Variants in KMT2C observed in about 807,000 individuals in gnomAD.
The protein encoded by KMT2C is lysine methyltransferase 2C, also known as histone-lysine N-methyltransferase 2C.
KMT2C carries 88 observed loss-of-function variants against 507.9 expected under a neutral mutation model. The ratio of observed to expected loss-of-function variants is 0.17; its 90% CI spans 0.15 to 0.21. The LOEUF is 0.21. KMT2C is among the 10% of genes least tolerant of loss of function. The pLI is 1.00. For missense variants in KMT2C, 4,954 were observed against 5,957.8 expected (o/e 0.83, Z 5.55); for synonymous variants, 2,049 against 2,080.8 (o/e 0.98, Z 0.42).
chr7:152,358,530 G>A (rs1213902956), intron 2 of KMT2C, 57 bp downstream of exon 2: 1 of 1,100,828 alleles, frequency 9.1e-7, no homozygotes, highest in Non-Finnish European at 1.4e-6. Flanking sequence ...TACATGCAGT[G>A]TACAAACATA....
intron 1 of KMT2C, among the ~76,000 whole-genome samples, chr7:152,423,621 G>GTAGAGGGAC (rs2097792403): frequency 6.6e-6 from 1 of 152,190 alleles, no homozygotes; most frequent in South Asian, 2.1e-4. Flanking sequence ...ACTTTGCAGT[G>GTAGAGGGAC]TAGAGGGACA....
intron 53 of KMT2C, among the ~76,000 whole-genome samples, chr7:152,145,531 A>C (rs1372809402): frequency 6.6e-6 from 1 of 152,244 alleles, no homozygotes; most frequent in East Asian, 1.9e-4. Context: ...ATGCTCCTTG[A>C]AGAAAAAGAT....
chr7:152,224,714 G>A (rs2094875494), intron 18 of KMT2C, 98 bp from the exon 19 acceptor site: 9 of 860,062 alleles, frequency 1.0e-5, no homozygotes, highest in Non-Finnish European at 1.4e-5. Flanking sequence ...CCTAGAAGCA[G>A]AAAAGAGGCA....
At chr7:152,184,802 T>C (rs1422025909) in intron 34 of KMT2C, among the ~76,000 whole-genome samples, 1 of 152,134 alleles carries the variant, frequency 6.6e-6, no homozygotes, top group Non-Finnish European at 1.5e-5. Flanking sequence ...CCTAGCAGGG[T>C]GGTCTTGCTC....
intron 38 of KMT2C, 38 bp from the exon 39 acceptor site, chr7:152,174,280 T>C: frequency 9.5e-7 from 1 of 1,055,892 alleles, no homozygotes; most frequent in Non-Finnish European, 1.5e-6. Flanking sequence ...TTCATAGTAA[T>C]TAGTTCAACG....
At chr7:152,210,594 C>T (rs1286001304) in intron 23 of KMT2C, among the ~76,000 whole-genome samples, 1 of 151,470 alleles carries the variant, frequency 6.6e-6, no homozygotes, top group Non-Finnish European at 1.5e-5. Context: ...TTATGTGTGG[C>T]CCAAGACAAT....
chr7:152,435,821 C>T lies in KMT2C; in HGVS notation c.-35G>A, dbSNP rs1291971384. 3.0e-6 allele frequency: 4 copies of T among 1,339,490 alleles called. No individual in the cohort carries two copies. Among genetic ancestry groups the T allele is most frequent in the African/African-American group, 1.6e-5 (1 of 64,222 alleles). 83.0% of individuals were successfully genotyped at this position (1,339,490 alleles called of 1,614,324 possible). A position where few individuals can be genotyped will look rare whatever the true frequency, so the allele number is the denominator to read the frequency against. Reference sequence around the variant, plus strand: ...CAGGAAAGACACATGGATCCCGGTCCTCCTCCTGGGGGGCTCCCGCCGCCG... The same window carrying T: ...CAGGAAAGACACATGGATCCCGGTCTTCCTCCTGGGGGGCTCCCGCCGCCG... On this transcript the variant is annotated 5_prime_UTR_variant, in exon 1 of 59. Transcript: ENST00000262189.
At chr7:152,378,670 A>G (rs2097347489) in intron 1 of KMT2C, among the ~76,000 whole-genome samples, 2 of 152,170 alleles carry the variant, frequency 1.3e-5, no homozygotes, top group Admixed American at 1.3e-4. Context: ...TACCAATTCT[A>G]GATATATATC....
At chr7:152,172,515 G>A (rs774729062) in intron 39 of KMT2C, among the ~76,000 whole-genome samples, 2 of 152,230 alleles carry the variant, frequency 1.3e-5, no homozygotes, top group African/African-American at 4.8e-5. Flanking sequence ...GACCAACATG[G>A]TGAAACCCTG....
intron 53 of KMT2C, among the ~76,000 whole-genome samples, chr7:152,145,718 A>G (rs10236914): frequency 0.011 from 1,712 of 152,336 alleles, 36 homozygotes; most frequent in African/African-American, 0.039. Flanking sequence ...AAAAACAGTT[A>G]AAAAATCATC....
Position 152,176,754 on chromosome 7 carries a change from A to G in KMT2C, c.8699T>C (p.Leu2900Pro), listed in dbSNP as rs2093228680. 3 of 1,614,056 alleles carry G rather than the reference A, an allele frequency of 1.9e-6. No individual in the cohort carries two copies. The African/African-American group carries it at 4.0e-5, about 22-fold the overall frequency. Reference sequence around the variant, plus strand: ...AGAGTTTATTACATCTTGAGCAGGTAGTTGAGTGGATGCCTGAATGACATT... The same window carrying G: ...AGAGTTTATTACATCTTGAGCAGGTGGTTGAGTGGATGCCTGAATGACATT... ...SANVIQASTQ[L>P]PAQDVINSCG... Residue 2900 changes from leucine to proline, a missense_variant, in exon 38 of 59, where the codon CTA (leucine) becomes CCA (proline). Around this residue, in one of 29 missense-constraint regions of KMT2C, gnomAD observed 1,689 missense variants for 1,654.3 expected, o/e 1.02. Coordinates refer to ENST00000262189, the MANE Select transcript of KMT2C (RefSeq NM_170606.3).
At chr7:152,200,816 A>G (rs2094113982) in intron 26 of KMT2C, among the ~76,000 whole-genome samples, 1 of 152,230 alleles carries the variant, frequency 6.6e-6, no homozygotes, top group South Asian at 2.1e-4. Context: ...ATGCCAAATT[A>G]TTAACAATAC....
At chr7:152,277,562 C>T (rs1215888050) in intron 6 of KMT2C, among the ~76,000 whole-genome samples, 1 of 152,100 alleles carries the variant, frequency 6.6e-6, no homozygotes, top group Non-Finnish European at 1.5e-5. Flanking sequence ...TTTCTATATC[C>T]TTACAAAAAT....
chr7:152,144,977 G>A lies in KMT2C; in HGVS notation c.14175-96C>T. On this transcript the variant is annotated intron_variant, in intron 54 of 58. Coordinates refer to ENST00000262189, the MANE Select transcript of KMT2C (RefSeq NM_170606.3). The surrounding 1 kb of genome is among the most constrained non-coding windows in gnomAD (Gnocchi z 4.4). ...AACCAGGTTAATTCAGATTCTTACT[G>A]ACAGAAACATACATGGAAAGCTGCC... The A allele has an allele frequency of 1.4e-6, 2 of 1,412,272 alleles. No homozygotes were observed. The highest frequency in any genetic ancestry group is 1.4e-5 in the South Asian group (1 of 71,650). The allele number at this position is 1,412,272 out of a possible 1,614,324, so 87.5% of individuals were successfully genotyped here.
At chr7:152,411,219 C>T (rs200673900) in intron 1 of KMT2C, among the ~76,000 whole-genome samples, 1 of 150,324 alleles carries the variant, frequency 6.7e-6, no homozygotes, top group East Asian at 1.9e-4. Flanking sequence ...GAAACAAAAA[C>T]TTTTTATCCT....
rs548941791 is a variant in KMT2C at position 152,291,852 on chromosome 7, T to C, written c.850-17985A>G. Among the ~76,000 whole-genome samples, 3 of 152,376 alleles carry C rather than the reference T, an allele frequency of 2.0e-5. No individual in the cohort carries two copies. The East Asian group carries it at 5.8e-4, about 29-fold the overall frequency. ...AAGGCTAATAGTCTTTTTTAAAGTT[T>C]ATTTTCTATGGACACATCTTTGTTT... On this transcript the variant is annotated intron_variant, in intron 6 of 58. Transcript: ENST00000262189.
Position 152,189,231 on chromosome 7 carries a change from C to T in KMT2C, c.4661-1384G>A, listed in dbSNP as rs1034732814. On this transcript the variant is annotated intron_variant, in intron 31 of 58. Transcript: ENST00000262189. ...CTTGTCTAAACTATTTGGAACTAAG[C>T]CAACTGTCCATATTGGAGCAGTTTC... 1.2e-4 allele frequency among the ~76,000 whole-genome samples: 18 copies of T among 152,264 alleles called. No individual in the cohort carries two copies. In the East Asian group the frequency reaches 3.3e-3, roughly 28 times the overall value.
chr7:152,214,737 T>A (rs2094531956), intron 23 of KMT2C, among the ~76,000 whole-genome samples: 1 of 149,482 alleles, frequency 6.7e-6, no homozygotes, highest in Non-Finnish European at 1.5e-5. Context: ...ATAAGCAGAA[T>A]GGTAGGCAGC....
chr7:152,395,975 C>G (rs1468714450), intron 1 of KMT2C, among the ~76,000 whole-genome samples: 1 of 152,108 alleles, frequency 6.6e-6, no homozygotes, highest in Non-Finnish European at 1.5e-5. Flanking sequence ...TAACTTACTG[C>G]CCGCAACAAT....
Sources: gnomAD v4.1 joint callset for allele counts (sites outside exome capture counted in the v4.1 genomes callset) on GRCh38, gnomAD v4.1.1 for gene constraint, gnomAD v4.1.1 regional missense constraint, Gnocchi (gnomAD v3.1) non-coding constraint, MANE v1.5 for transcripts, NCBI Gene and HGNC (gene_info 2026-07-23, HGNC 2026-07-21) for gene names.